The following AGBL4 variants were observed in gnomAD, a reference collection of about 807,000 sequenced individuals.
AGBL4 encodes AGBL carboxypeptidase 4.
In AGBL4, 58 loss-of-function variants were observed where a neutral mutation model predicts 66.4. The observed-to-expected ratio is 0.87, with a 90% CI of 0.71 to 1.09. The LOEUF (loss-of-function observed/expected upper bound fraction) is 1.09, where lower values mean the gene tolerates loss of function less well. Ranked by LOEUF, AGBL4 falls within the 50% of genes least tolerant of loss-of-function variation. The pLI is 0.00. For synonymous variants in AGBL4, 234 were observed against 222.9 expected, an observed-to-expected ratio of 1.05 and a Z score of -0.44; for missense variants, 579 against 631.0, an observed-to-expected ratio of 0.92 and a Z score of 0.88.
intron 3 of AGBL4, among the ~76,000 whole-genome samples, chr1:49,582,065 A>G (rs1448494396): frequency 2.0e-5 from 3 of 152,152 alleles, no homozygotes; most frequent in Non-Finnish European, 2.9e-5. Flanking sequence ...CAGGGTGTTC[A>G]TGCTTGACTT....
chr1:49,802,399 C>A (rs935793594), intron 2 of AGBL4, among the ~76,000 whole-genome samples: 1 of 152,118 alleles, frequency 6.6e-6, no homozygotes, highest in African/African-American at 2.4e-5. Context: ...AGCTTCATGT[C>A]CTGTTTCTAT....
chr1:49,267,680 A>C (rs369504545), intron 3 of AGBL4, among the ~76,000 whole-genome samples: 9 of 148,388 alleles, frequency 6.1e-5, no homozygotes, highest in East Asian at 3.9e-4. Context: ...ACTCTGTCCC[A>C]AAAAAAAAAG....
intron 3 of AGBL4, among the ~76,000 whole-genome samples, chr1:49,498,773 CA>C (rs1647848964): frequency 6.6e-6 from 1 of 151,906 alleles, no homozygotes; most frequent in African/African-American, 2.4e-5. Context: ...TGGTGTTTAT[CA>C]TGAAAATACA....
At chr1:49,410,156 C>A (rs1268274821) in intron 3 of AGBL4, among the ~76,000 whole-genome samples, 1 of 152,140 alleles carries the variant, frequency 6.6e-6, no homozygotes, top group Non-Finnish European at 1.5e-5. Context: ...GGGCCACAGG[C>A]ACAGATGCAC....
At chr1:48,813,068 AC>A (rs1311384915) in intron 6 of AGBL4, among the ~76,000 whole-genome samples, 1 of 151,976 alleles carries the variant, frequency 6.6e-6, no homozygotes, top group African/African-American at 2.4e-5. Context: ...TATGTAACAA[AC>A]CTGCAAGTTG....
At chr1:49,698,371 G>C (rs573037385) in intron 2 of AGBL4, among the ~76,000 whole-genome samples, 2 of 152,182 alleles carry the variant, frequency 1.3e-5, no homozygotes, top group South Asian at 4.1e-4. Context: ...ATTAAGTTTT[G>C]ATAGAAAATT....
intron 4 of AGBL4, among the ~76,000 whole-genome samples, chr1:49,235,978 C>G: frequency 6.6e-6 from 1 of 151,424 alleles, no homozygotes; most frequent in East Asian, 2.0e-4. Context: ...TTTCTCAGGT[C>G]AAATTATTCA....
chr1:48,604,131 TCAAAACAAAACAAAA>T (rs56655236), intron 9 of AGBL4, among the ~76,000 whole-genome samples: 23 of 150,514 alleles, frequency 1.5e-4, no homozygotes, highest in Admixed American at 8.6e-4. Context: ...AGACTTCATC[TCAAAACAAAACAAAA>T]CAAAACAAAA....
intron 3 of AGBL4, among the ~76,000 whole-genome samples, chr1:49,463,796 T>C (rs1646566557): frequency 6.6e-6 from 1 of 151,750 alleles, no homozygotes; most frequent in Admixed American, 6.6e-5. Context: ...CAAAACCTCA[T>C]TTCAACTGAG....
chr1:49,276,565 C>T lies in AGBL4; in HGVS notation c.283-30701G>A, dbSNP rs890094728. On this transcript the variant is annotated intron_variant, in intron 3 of 13. Transcript: ENST00000371839. ...ATTGATACAGCCAGGCCTTCCCTTG[C>T]CCAGATCTAGAAACATTAACTGAGA... Among the ~76,000 whole-genome samples the T allele has an allele frequency of 2.6e-5, 4 of 152,160 alleles. No individual in the cohort carries two copies. In the South Asian group the frequency reaches 6.2e-4, roughly 24 times the overall value.
intron 3 of AGBL4, among the ~76,000 whole-genome samples, chr1:49,614,661 C>A (rs963561187): frequency 2.6e-5 from 4 of 152,074 alleles, no homozygotes; most frequent in African/African-American, 4.8e-5. Context: ...TATACTCCCA[C>A]CCACAGTGTA....
Position 48,592,616 on chromosome 1 carries a change from T to C in AGBL4, c.952-1631A>G, listed in dbSNP as rs114710777. On this transcript the variant is annotated intron_variant, in intron 9 of 13. Transcript: ENST00000371839. Reference sequence around the variant, plus strand: ...ATTTTATTTTCTTCAATTGTCTGTCTTTTCCTGTGAGCTTTTGATGAGCTG... The same window carrying C: ...ATTTTATTTTCTTCAATTGTCTGTCCTTTCCTGTGAGCTTTTGATGAGCTG... Among the ~76,000 whole-genome samples the C allele has an allele frequency of 8.5e-3, 1,289 of 152,320 alleles. 23 individuals carry two copies. The highest frequency in any genetic ancestry group is 0.029 in the African/African-American group (1,226 of 41,560).
intron 3 of AGBL4, among the ~76,000 whole-genome samples, chr1:49,591,985 C>G (rs1644760079): frequency 6.6e-6 from 1 of 152,062 alleles, no homozygotes; most frequent in African/African-American, 2.4e-5. Flanking sequence ...TATAAAAACC[C>G]TGGAAGAAAA....
intron 4 of AGBL4, among the ~76,000 whole-genome samples, chr1:49,223,822 C>T (rs573353841): frequency 1.3e-5 from 2 of 152,290 alleles, no homozygotes; most frequent in South Asian, 4.1e-4. Context: ...CAGTTATTGA[C>T]CAGCCCTTTC....
intron 3 of AGBL4, among the ~76,000 whole-genome samples, chr1:49,380,876 T>C (rs1401344000): frequency 6.6e-6 from 1 of 152,086 alleles, no homozygotes; most frequent in African/African-American, 2.4e-5. Flanking sequence ...ATGTTAGACC[T>C]AAAACCATAA....
At chr1:49,320,801 AAG>A (rs969828257) in intron 3 of AGBL4, among the ~76,000 whole-genome samples, 84 of 152,288 alleles carry the variant, frequency 5.5e-4, no homozygotes, top group African/African-American at 1.8e-3. Flanking sequence ...TTATAAAAGA[AAG>A]AGGTTTAATT....
At chr1:49,385,953 C>G (rs1245377419) in intron 3 of AGBL4, among the ~76,000 whole-genome samples, 1 of 151,986 alleles carries the variant, frequency 6.6e-6, no homozygotes, top group Admixed American at 6.6e-5. Context: ...CATCTAGTCA[C>G]TTAGTACATT....
At chr1:49,090,583 G>C (rs1644985138) in intron 4 of AGBL4, among the ~76,000 whole-genome samples, 1 of 152,068 alleles carries the variant, frequency 6.6e-6, no homozygotes, top group Non-Finnish European at 1.5e-5. Flanking sequence ...AAAGAAATCA[G>C]AGATGATGCA....
chr1:49,681,144 T>C (rs1646685328), intron 3 of AGBL4, among the ~76,000 whole-genome samples: 1 of 152,202 alleles, frequency 6.6e-6, no homozygotes, highest in Non-Finnish European at 1.5e-5. Context: ...GTAAAAGAAT[T>C]TTTATGATGG....
Sources: allele counts gnomAD v4.1 joint callset (sites outside exome capture counted in the v4.1 genomes callset), GRCh38; gene constraint gnomAD v4.1.1; transcripts MANE v1.5; gene names NCBI Gene and HGNC (gene_info 2026-07-23, HGNC 2026-07-21).